HSD17B12: variants seen among roughly 807,000 people sequenced by gnomAD.
HSD17B12 encodes the protein hydroxysteroid 17-beta dehydrogenase 12, also known as very-long-chain 3-oxoacyl-CoA reductase.
HSD17B12 carries 32 observed loss-of-function variants against 39.3 expected under a neutral mutation model. That is an observed-to-expected ratio of 0.81 (90% CI 0.61 to 1.09). The LOEUF is 1.09. Ranked by LOEUF, HSD17B12 falls within the 50% of genes least tolerant of loss-of-function variation. The pLI is 0.00. For missense variants in HSD17B12, 342 were observed against 382.9 expected (o/e 0.89, Z 0.89); for synonymous variants, 150 against 146.7 (o/e 1.02, Z -0.16).
intron 1 of HSD17B12, among the ~76,000 whole-genome samples, chr11:43,708,589 C>T (rs188611034): frequency 2.0e-5 from 3 of 152,294 alleles, no homozygotes; most frequent in Admixed American, 2.0e-4. Context: ...AATAGTTCAA[C>T]ACCACATTCT....
the HSD17B12 span, among the ~76,000 whole-genome samples, chr11:43,581,928 T>C: frequency 5.9e-5 from 9 of 152,300 alleles, no homozygotes; most frequent in African/African-American, 2.2e-4. The surrounding 1 kb of genome is among the most constrained non-coding windows in gnomAD (Gnocchi z 4.9). Flanking sequence ...GATCCGATTC[T>C]GCAATATGGG....
At chr11:43,638,886 C>G in the HSD17B12 span, among the ~76,000 whole-genome samples, 23 of 152,052 alleles carry the variant, frequency 1.5e-4, no homozygotes, top group African/African-American at 5.3e-4. Flanking sequence ...GACAGTTTCC[C>G]GAGACAGGGT....
the HSD17B12 span, among the ~76,000 whole-genome samples, chr11:43,588,775 T>C: frequency 4.0e-5 from 6 of 151,770 alleles, no homozygotes; most frequent in African/African-American, 1.4e-4. Context: ...GTCCATTTGT[T>C]CCATGGCCTG....
chr11:43,738,740 A>T (rs1443836524), intron 1 of HSD17B12, among the ~76,000 whole-genome samples: 1 of 152,198 alleles, frequency 6.6e-6, no homozygotes, highest in East Asian at 1.9e-4. Flanking sequence ...GTGATGATCC[A>T]GACAGACCCT....
upstream of HSD17B12, among the ~76,000 whole-genome samples, chr11:43,678,903 G>C (rs944086413): frequency 6.6e-6 from 1 of 152,202 alleles, no homozygotes; most frequent in African/African-American, 2.4e-5. Context: ...GCTTAGGATT[G>C]ACTTGGCAAT....
chr11:43,814,137 ATGTT>A (rs759813065), intron 4 of HSD17B12, among the ~76,000 whole-genome samples: 3 of 150,956 alleles, frequency 2.0e-5, no homozygotes, highest in African/African-American at 4.9e-5. Flanking sequence ...TTGTTATGAG[ATGTT>A]TGTTTATTAT....
rs1195886186 is a variant in HSD17B12 at position 43,690,379 on chromosome 11, TATATATATATA to T, written c.160+9393_160+9403del. Reference sequence around the variant, plus strand: ...ATTCATACATATATATATATATATATATATATATATATATATATATATATATTTTTTTTTTT... The same window carrying T: ...ATTCATACATATATATATATATATATTATATATATATATATTTTTTTTTTT... On this transcript the variant is annotated intron_variant, in intron 1 of 10. Coordinates refer to ENST00000278353, the MANE Select transcript of HSD17B12 (RefSeq NM_016142.3). Among the ~76,000 whole-genome samples, 44 of 12,866 alleles carry T rather than the reference TATATATATATA, an allele frequency of 3.4e-3. 2 individuals are homozygous for T. The highest frequency in any genetic ancestry group is 8.5e-3 in the South Asian group (4 of 468). 8.4% of individuals were successfully genotyped at this position (12,866 alleles called of 152,430 possible). A position where few individuals can be genotyped will look rare whatever the true frequency, so the allele number is the denominator to read the frequency against.
chr11:43,801,320 C>T (rs182799494), intron 4 of HSD17B12, among the ~76,000 whole-genome samples: 2 of 151,922 alleles, frequency 1.3e-5, no homozygotes, highest in East Asian at 3.9e-4. Flanking sequence ...GGTAACTTGT[C>T]CTAGCCAGTG....
At chr11:43,810,935 C>T (rs1015877089) in intron 4 of HSD17B12, among the ~76,000 whole-genome samples, 16 of 152,280 alleles carry the variant, frequency 1.1e-4, no homozygotes, top group Middle Eastern at 3.4e-3. Flanking sequence ...AAGGGATCTT[C>T]AACTATCTGA....
the HSD17B12 span, among the ~76,000 whole-genome samples, chr11:43,615,448 C>G: frequency 2.0e-5 from 3 of 152,312 alleles, no homozygotes; most frequent in African/African-American, 7.2e-5. Context: ...CTGGAACTCT[C>G]TCTCTGCACA....
At chr11:43,701,133 T>C (rs1949960017) in intron 1 of HSD17B12, among the ~76,000 whole-genome samples, 2 of 152,238 alleles carry the variant, frequency 1.3e-5, no homozygotes, top group Non-Finnish European at 2.9e-5. Flanking sequence ...TTTGTATGTC[T>C]TCTTTTGAGA....
chr11:43,714,409 G>T (rs1411581811), intron 1 of HSD17B12, among the ~76,000 whole-genome samples: 1 of 152,166 alleles, frequency 6.6e-6, no homozygotes, highest in African/African-American at 2.4e-5. Context: ...GATTTTGTCA[G>T]GTTTGTCAAA....
chr11:43,564,407 A>T, the HSD17B12 span, among the ~76,000 whole-genome samples: 5 of 152,236 alleles, frequency 3.3e-5, no homozygotes, highest in African/African-American at 9.6e-5. Context: ...ACAAGGGAAG[A>T]TCAAAATAGC....
the HSD17B12 span, among the ~76,000 whole-genome samples, chr11:43,637,697 A>G: frequency 1.3e-5 from 2 of 152,226 alleles, no homozygotes; most frequent in African/African-American, 4.8e-5. Context: ...CAAAGTTAAT[A>G]GGAGACTGTT....
At chr11:43,776,818 AC>A (rs1950709641) in intron 3 of HSD17B12, among the ~76,000 whole-genome samples, 1 of 152,080 alleles carries the variant, frequency 6.6e-6, no homozygotes, top group South Asian at 2.1e-4. Context: ...TCAGCTTTCT[AC>A]ATATGGCTAG....
chr11:43,816,500 C>G (rs1951124394), intron 6 of HSD17B12, 109 bp downstream of exon 6: 5 of 882,586 alleles, frequency 5.7e-6, no homozygotes, highest in Middle Eastern at 5.4e-4. Flanking sequence ...GATGCAGATA[C>G]ATGTATTCCA....
chr11:43,777,832 C>T (rs1383722333), intron 3 of HSD17B12, among the ~76,000 whole-genome samples: 1 of 152,148 alleles, frequency 6.6e-6, no homozygotes, highest in Non-Finnish European at 1.5e-5. Flanking sequence ...ACATTCAAAG[C>T]ACTGTGTAGA....
chr11:43,792,900 A>G (rs565645914), intron 3 of HSD17B12, among the ~76,000 whole-genome samples: 1 of 152,112 alleles, frequency 6.6e-6, no homozygotes, highest in Admixed American at 6.6e-5. Context: ...TGTAATTTCT[A>G]TAGGGAGGAA....
At chr11:43,832,549 C>CTATACAGTTAGT (rs1951322175) in intron 7 of HSD17B12, among the ~76,000 whole-genome samples, 1 of 152,126 alleles carries the variant, frequency 6.6e-6, no homozygotes, top group Non-Finnish European at 1.5e-5. Flanking sequence ...TGCTATGAAG[C>CTATACAGTTAGT]TATACAGTTA....
Sources: gnomAD v4.1 joint callset for allele counts (sites outside exome capture counted in the v4.1 genomes callset) on GRCh38, gnomAD v4.1.1 for gene constraint, Gnocchi (gnomAD v3.1) non-coding constraint, MANE v1.5 for transcripts, NCBI Gene and HGNC (gene_info 2026-07-23, HGNC 2026-07-21) for gene names.